The following ARHGAP29 variants were observed in gnomAD, a reference collection of about 807,000 sequenced individuals.
ARHGAP29 encodes rho GTPase-activating protein 29.
A neutral mutation model predicts 122.6 loss-of-function variants in ARHGAP29; 43 were observed. The ratio of observed to expected loss-of-function variants is 0.35; its 90% CI spans 0.27 to 0.45. ARHGAP29 has a LOEUF of 0.45. ARHGAP29 is among the 20% of genes least tolerant of loss of function. ARHGAP29 has a pLI of 1.00. For missense variants in ARHGAP29, 1,303 were observed against 1,477.2 expected (o/e 0.88, Z 1.93); for synonymous variants, 506 against 497.1 (o/e 1.02, Z -0.24).
chr1:94,208,431 A>G (rs1382039711), intron 5 of ARHGAP29, among the ~76,000 whole-genome samples: 9 of 151,676 alleles, frequency 5.9e-5, no homozygotes, highest in Admixed American at 5.9e-4. Flanking sequence ...TTATCCATAC[A>G]TTCCTTATAT....
At chr1:94,231,341 C>T (rs1652907681) in intron 2 of ARHGAP29, 66 bp downstream of exon 2, 2 of 1,370,248 alleles carry the variant, frequency 1.5e-6, no homozygotes, top group Admixed American at 3.5e-5. Context: ...ACAAACTTAT[C>T]TGCTAGGCCA....
At chr1:94,206,484 C>T (rs1176315640) in intron 5 of ARHGAP29, among the ~76,000 whole-genome samples, 1 of 152,158 alleles carries the variant, frequency 6.6e-6, no homozygotes, top group Non-Finnish European at 1.5e-5. Flanking sequence ...TTTAAGTTCA[C>T]TAACTTTGTA....
At chr1:94,230,431 T>C (rs565873016) in intron 2 of ARHGAP29, among the ~76,000 whole-genome samples, 2 of 151,894 alleles carry the variant, frequency 1.3e-5, no homozygotes, top group East Asian at 3.9e-4. Flanking sequence ...AAAACTCAAA[T>C]ACTAAAACTT....
At chr1:94,208,751 C>G (rs1303314158) in intron 5 of ARHGAP29, 81 bp downstream of exon 5, 1 of 1,388,366 alleles carries the variant, frequency 7.2e-7, no homozygotes, top group African/African-American at 1.4e-5. Context: ...TGAGCCACCA[C>G]CCCCGGCCTA....
At chr1:94,298,038 T>TA in the ARHGAP29 span, among the ~76,000 whole-genome samples, 1 of 152,326 alleles carries the variant, frequency 6.6e-6, no homozygotes, top group South Asian at 2.1e-4. Context: ...ATGGTAATGA[T>TA]AAAAAGAATT....
At chr1:94,220,845 G>A (rs756223469) in intron 2 of ARHGAP29, among the ~76,000 whole-genome samples, 1 of 150,398 alleles carries the variant, frequency 6.6e-6, no homozygotes, top group Non-Finnish European at 1.5e-5. Flanking sequence ...GACCTTTAAT[G>A]AGTTTTTGTG....
intron 5 of ARHGAP29, among the ~76,000 whole-genome samples, chr1:94,208,525 T>C (rs1397844502): frequency 3.3e-5 from 5 of 151,532 alleles, no homozygotes; most frequent in African/African-American, 1.2e-4. Context: ...AGTGGTGTGA[T>C]CTCGGCTCAC....
rs1652138408 is a variant in ARHGAP29, at chr1:94,219,279, G to A, written c.340+979C>T. Among the ~76,000 whole-genome samples the A allele has an allele frequency of 5.3e-5, 3 of 56,484 alleles. No individual in the cohort carries two copies. In the Admixed American group the frequency reaches 5.4e-4, roughly 10 times the overall value. 37.1% of individuals were successfully genotyped at this position (56,484 alleles called of 152,430 possible). On this transcript the variant is annotated intron_variant, in intron 3 of 22. Transcript: ENST00000260526. Reference sequence around the variant, plus strand: ...TTAAAATCCATGTCACCTCCTTGCAGGTCCATCTCCCTACCTGTTAGGTGT... The same window carrying A: ...TTAAAATCCATGTCACCTCCTTGCAAGTCCATCTCCCTACCTGTTAGGTGT...
chr1:94,184,107 CT>C, intron 19 of ARHGAP29, 43 bp downstream of exon 19: 1 of 1,579,846 alleles, frequency 6.3e-7, no homozygotes, highest in South Asian at 1.2e-5. Context: ...CATATTTTTG[CT>C]GTTTTTAATT....
chr1:94,295,321 G>A, the ARHGAP29 span, among the ~76,000 whole-genome samples: 2 of 152,130 alleles, frequency 1.3e-5, no homozygotes, highest in African/African-American at 4.8e-5. Flanking sequence ...GAGAAAGATT[G>A]AAAGGATAGG....
intron 1 of ARHGAP29, among the ~76,000 whole-genome samples, chr1:94,255,524 T>C (rs939224114): frequency 7.2e-5 from 11 of 152,188 alleles, no homozygotes; most frequent in African/African-American, 2.7e-4. Context: ...CCTCTTCCCT[T>C]CCCTGTAGAA....
the ARHGAP29 span, chr1:94,302,555 C>T: frequency 3.0e-6 from 1 of 334,584 alleles, no homozygotes; most frequent in Non-Finnish European, 5.8e-6. Flanking sequence ...CAGTCCATGC[C>T]ATCACTGCTA....
In ARHGAP29 at chr1:94,174,074, G is replaced by A; in HGVS notation, c.3581C>T (p.Thr1194Ile). The change falls in exon 23 of 23, where the codon ACA (threonine) becomes ATA (isoleucine). Residue 1194 changes from threonine to isoleucine, a missense_variant. Around this residue, in one of 3 missense-constraint regions of ARHGAP29, gnomAD observed 620 missense variants for 651.2 expected, o/e 0.95. Transcript: ENST00000260526. ...CACGAGACCGTGGGGATCGTGATCT[G>A]TGCCAGGAGGCACTGCTGCTGAGGG... ...ASPSAAVPPG[T>I]DHDPHGLVVK... 6.2e-7 allele frequency: 1 copy of A among 1,614,198 alleles called. No homozygotes were observed. Among genetic ancestry groups the A allele is most frequent in the Non-Finnish European group, 8.5e-7 (1 of 1,180,040 alleles).
chr1:94,279,536 C>T (rs1337193014), upstream of ARHGAP29, among the ~76,000 whole-genome samples: 9 of 152,204 alleles, frequency 5.9e-5, no homozygotes, highest in Admixed American at 5.9e-4. Flanking sequence ...TAACTTGCTA[C>T]CTTTCCAAGT....
At chr1:94,282,221 T>C in the ARHGAP29 span, among the ~76,000 whole-genome samples, 1 of 152,060 alleles carries the variant, frequency 6.6e-6, no homozygotes, top group African/African-American at 2.4e-5. Context: ...TGTAATCCAA[T>C]AGGCTTGGGG....
chr1:94,238,622 C>T (rs1305581636), upstream of ARHGAP29, among the ~76,000 whole-genome samples: 1 of 151,476 alleles, frequency 6.6e-6, no homozygotes, highest in Non-Finnish European at 1.5e-5. Flanking sequence ...TGACCACACA[C>T]GGGAGAAACA....
the ARHGAP29 span, among the ~76,000 whole-genome samples, chr1:94,289,110 C>T: frequency 2.9e-4 from 44 of 152,294 alleles, no homozygotes; most frequent in South Asian, 2.5e-3. Flanking sequence ...ACTGATTCTT[C>T]CTATCCATGA....
intron 1 of ARHGAP29, among the ~76,000 whole-genome samples, chr1:94,235,161 T>C (rs1403116215): frequency 6.6e-6 from 1 of 152,184 alleles, no homozygotes; most frequent in African/African-American, 2.4e-5. Context: ...GATTTTGTTA[T>C]ATATTACTAC....
Position 94,252,194 on chromosome 1 carries a change from C to G in ARHGAP29, c.-32-20551G>C, listed in dbSNP as rs561740589. On this transcript the variant is annotated intron_variant and NMD_transcript_variant, in intron 1 of 25. Transcript: ENST00000552844. ...TTGTAACCAATATACTAACATATGACAAGTTTCATGACTTCACCAAATCTT... is the reference window on the plus strand; with the variant it reads ...TTGTAACCAATATACTAACATATGAGAAGTTTCATGACTTCACCAAATCTT... 3.3e-5 allele frequency among the ~76,000 whole-genome samples: 5 copies of G among 152,254 alleles called. No individual in the cohort carries two copies. The South Asian group carries it at 1.0e-3, about 32-fold the overall frequency.
Sources: gnomAD v4.1 joint callset for allele counts (sites outside exome capture counted in the v4.1 genomes callset) on GRCh38, gnomAD v4.1.1 for gene constraint, gnomAD v4.1.1 regional missense constraint, MANE v1.5 for transcripts, NCBI Gene and HGNC (gene_info 2026-07-23, HGNC 2026-07-21) for gene names.